CHN2: variants seen among roughly 807,000 people sequenced by gnomAD.
The protein encoded by CHN2 is beta-chimaerin.
Under a neutral mutation model 56.3 loss-of-function variants are expected in CHN2, and 35 were observed. That is an observed-to-expected ratio of 0.62 (90% CI 0.47 to 0.82). The LOEUF is 0.82. Ranked by LOEUF, CHN2 falls within the 40% of genes least tolerant of loss-of-function variation. The probability of loss-of-function intolerance (pLI) is 0.00; values close to 1 mark genes in which losing one functional copy is unlikely to be tolerated. For synonymous variants in CHN2, 210 were observed against 212.8 expected (o/e 0.99, Z 0.12); for missense variants, 491 against 580.5 (o/e 0.85, Z 1.58).
At chr7:29,304,608 T>C (rs937325277) in intron 1 of CHN2, among the ~76,000 whole-genome samples, 8 of 152,226 alleles carry the variant, frequency 5.3e-5, no homozygotes, top group African/African-American at 1.9e-4. Flanking sequence ...ACATTAAATG[T>C]GCCATTTAAG....
intron 9 of CHN2, among the ~76,000 whole-genome samples, chr7:29,501,609 A>G (rs986290612): frequency 1.3e-5 from 2 of 152,228 alleles, no homozygotes; most frequent in Admixed American, 6.5e-5. Flanking sequence ...AGCGAGATAG[A>G]GTAGCACAAA....
chr7:29,334,057 T>C (rs1015051893), intron 1 of CHN2, among the ~76,000 whole-genome samples: 32 of 148,520 alleles, frequency 2.2e-4, no homozygotes, highest in Middle Eastern at 7.0e-3. Flanking sequence ...TTCTTTTTTT[T>C]TTTTTTTTTT....
intron 3 of CHN2, among the ~76,000 whole-genome samples, chr7:29,388,594 T>A (rs1801121071): frequency 6.6e-6 from 1 of 152,180 alleles, no homozygotes; most frequent in African/African-American, 2.4e-5. Flanking sequence ...TTGCTTAAAT[T>A]CCCACAGATC....
At chr7:29,427,409 G>A (rs6980280) in intron 6 of CHN2, among the ~76,000 whole-genome samples, 39,856 of 151,940 alleles carry the variant, frequency 0.26, 6,601 homozygotes, top group African/African-American at 0.47. Context: ...CCCTTTTACC[G>A]TATAACATAA....
At chr7:29,376,529 CTG>C (rs2128052101) in intron 3 of CHN2, 1 of 152,360 alleles carries the variant, frequency 6.6e-6, no homozygotes, top group East Asian at 1.9e-4. Context: ...GCCCAGCAAT[CTG>C]TGTTTTAGCG....
chr7:29,387,907 TATTC>T (rs1158751559), intron 3 of CHN2, among the ~76,000 whole-genome samples: 1 of 152,230 alleles, frequency 6.6e-6, no homozygotes, highest in Non-Finnish European at 1.5e-5. Context: ...AATTCCTATT[TATTC>T]AGCTGTAGAC....
At chr7:29,427,355 G>A (rs1174415599) in intron 6 of CHN2, among the ~76,000 whole-genome samples, 1 of 152,084 alleles carries the variant, frequency 6.6e-6, no homozygotes, top group Admixed American at 6.6e-5. Flanking sequence ...TATCCACCTA[G>A]ATCACATCCC....
intron 12 of CHN2, among the ~76,000 whole-genome samples, chr7:29,511,677 G>GGGATGGCTTTTTATGCACAACC (rs1562681518): frequency 6.6e-6 from 1 of 151,902 alleles, no homozygotes; most frequent in Non-Finnish European, 1.5e-5. Context: ...GAAATAGAAA[G>GGGATGGCTTTTTATGCACAACC]GGATGGCTTT....
intron 10 of CHN2, among the ~76,000 whole-genome samples, chr7:29,505,115 G>A (rs996610496): frequency 1.3e-5 from 2 of 152,200 alleles, no homozygotes; most frequent in African/African-American, 4.8e-5. Context: ...AAGCTCCAAA[G>A]AAGGGATCAT....
chr7:29,164,796 A>C (rs889244808), intron 2 of CHN2, among the ~76,000 whole-genome samples: 8 of 151,654 alleles, frequency 5.3e-5, no homozygotes, highest in South Asian at 2.1e-4. Context: ...AAAAAAAAAA[A>C]AAAAACAAAG....
At chr7:29,176,003 G>A (rs915596649) in intron 2 of CHN2, among the ~76,000 whole-genome samples, 17 of 152,166 alleles carry the variant, frequency 1.1e-4, no homozygotes, top group African/African-American at 4.1e-4. Flanking sequence ...TGACTAACAC[G>A]GTGAAACCCC....
At position 29,400,643 on chromosome 7, in the gene CHN2, T is replaced by G. The variant is rs990792626; in HGVS notation, c.391T>G (p.Leu131Val). ...ESIHDLVTDG[L>V]ITLYIETKAA... is the part of the protein sequence containing the mutation. ...GATTCATGATCTGGTGACAGATGGC[T>G]TGATAACACTGTACATAGAAACAAA... Residue 131 changes from leucine (L) to valine (V), a missense_variant, in exon 6 of 13, where the codon TTG becomes GTG. Physicochemically the swap from Leu to Val is conservative, Grantham distance 32. Coordinates refer to ENST00000222792, the MANE Select transcript of CHN2 (RefSeq NM_004067.4). The G allele has an allele frequency of 6.2e-7, 1 of 1,614,092 alleles. No homozygotes were observed. Among genetic ancestry groups the G allele is most frequent in the African/African-American group, 1.3e-5 (1 of 74,934 alleles).
intron 1 of CHN2, among the ~76,000 whole-genome samples, chr7:29,327,888 T>C (rs1471055024): frequency 1.3e-5 from 2 of 152,224 alleles, no homozygotes; most frequent in Non-Finnish European, 2.9e-5. Context: ...TGTTGTTTCT[T>C]TGTGCTTCTT....
chr7:29,330,719 A>G (rs573005391), intron 1 of CHN2, among the ~76,000 whole-genome samples: 31 of 152,352 alleles, frequency 2.0e-4, no homozygotes, highest in African/African-American at 7.5e-4. Flanking sequence ...TTAACTTTGA[A>G]GCCTTGCTTG....
chr7:29,247,246 C>G (rs569820321), intron 1 of CHN2, among the ~76,000 whole-genome samples: 3 of 152,256 alleles, frequency 2.0e-5, no homozygotes, highest in African/African-American at 7.2e-5. Flanking sequence ...AGATCAGAGG[C>G]ATAGTAAGAA....
At chr7:29,273,343 G>GTGTATATATA (rs1157790795) in intron 1 of CHN2, among the ~76,000 whole-genome samples, 12 of 58,178 alleles carry the variant, frequency 2.1e-4, no homozygotes, top group Admixed American at 3.9e-4. Flanking sequence ...ATATATATGT[G>GTGTATATATA]TATATATATA....
chr7:29,393,494 G>A (rs1021532112), intron 3 of CHN2, among the ~76,000 whole-genome samples, 185 bp from the exon 4 acceptor site: 5 of 152,062 alleles, frequency 3.3e-5, no homozygotes, highest in African/African-American at 1.2e-4. Flanking sequence ...TTGATTCTAG[G>A]TCATTCCTAC....
intron 7 of CHN2, among the ~76,000 whole-genome samples, chr7:29,485,823 C>T (rs1166256079): frequency 6.6e-6 from 1 of 152,094 alleles, no homozygotes; most frequent in African/African-American, 2.4e-5. Flanking sequence ...CCTTCCCCCA[C>T]TCAGCCTGCT....
At chr7:29,272,195 G>A (rs1584929729) in intron 1 of CHN2, among the ~76,000 whole-genome samples, 1 of 152,086 alleles carries the variant, frequency 6.6e-6, no homozygotes, top group Non-Finnish European at 1.5e-5. Context: ...AGTCCGCCAC[G>A]GTCTCTGTAG....
Sources: allele counts gnomAD v4.1 joint callset (sites outside exome capture counted in the v4.1 genomes callset), GRCh38; gene constraint gnomAD v4.1.1; transcripts MANE v1.5; gene names NCBI Gene and HGNC (gene_info 2026-07-23, HGNC 2026-07-21).